The following FAF1 variants were observed in gnomAD, a reference collection of about 807,000 sequenced individuals.
FAF1 encodes Fas associated factor 1.
A neutral mutation model predicts 92.5 loss-of-function variants in FAF1; 25 were observed. The ratio of observed to expected loss-of-function variants is 0.27; its 90% CI spans 0.20 to 0.38. FAF1 has a LOEUF of 0.38. Ranked by LOEUF, FAF1 falls within the 10% of genes least tolerant of loss-of-function variation. The pLI is 1.00. For synonymous variants in FAF1, 234 were observed against 273.2 expected (o/e 0.86, Z 1.42); for missense variants, 636 against 793.3 (o/e 0.80, Z 2.38).
chr1:50,553,320 A>G (rs924144723), intron 13 of FAF1, among the ~76,000 whole-genome samples: 2 of 152,210 alleles, frequency 1.3e-5, no homozygotes, highest in African/African-American at 4.8e-5. Flanking sequence ...TACAGAGAAG[A>G]AGAAAAATTT....
chr1:50,495,621 T>C (rs1156356409), intron 15 of FAF1, among the ~76,000 whole-genome samples: 1 of 152,240 alleles, frequency 6.6e-6, no homozygotes, highest in Non-Finnish European at 1.5e-5. Context: ...TTTGGGTATA[T>C]ACCCAGCAGT....
At chr1:50,779,786 T>G (rs192746016) in intron 4 of FAF1, among the ~76,000 whole-genome samples, 1 of 151,806 alleles carries the variant, frequency 6.6e-6, no homozygotes. Flanking sequence ...ATACATTTTT[T>G]AAAAATTAGA....
At chr1:50,624,359 A>G (rs975708864) in intron 8 of FAF1, among the ~76,000 whole-genome samples, 5 of 152,256 alleles carry the variant, frequency 3.3e-5, no homozygotes, top group African/African-American at 1.2e-4. Flanking sequence ...TGTGCTGGCC[A>G]GGCTGGTTCG....
At chr1:50,614,622 C>T (rs573985330) in intron 8 of FAF1, among the ~76,000 whole-genome samples, 1 of 152,032 alleles carries the variant, frequency 6.6e-6, no homozygotes, top group African/African-American at 2.4e-5. Flanking sequence ...GGCGGATTAC[C>T]TAAGGTCAGG....
chr1:50,663,506 G>T (rs1267402946), intron 7 of FAF1, among the ~76,000 whole-genome samples: 1 of 149,306 alleles, frequency 6.7e-6, no homozygotes, highest in African/African-American at 2.5e-5. Context: ...AGGTTCAAGC[G>T]ATTCTTCTGC....
chr1:50,950,108 G>A (rs185307807), intron 1 of FAF1, among the ~76,000 whole-genome samples: 32 of 152,032 alleles, frequency 2.1e-4, no homozygotes, highest in African/African-American at 7.0e-4. Context: ...TCAAAGTGCT[G>A]GGAATACAGG....
chr1:50,481,895 A>G (rs1646708360), intron 17 of FAF1, among the ~76,000 whole-genome samples: 1 of 152,180 alleles, frequency 6.6e-6, no homozygotes, highest in Admixed American at 6.5e-5. Context: ...GAATGGAATG[A>G]GCAAGGGGAG....
intron 2 of FAF1, among the ~76,000 whole-genome samples, chr1:50,849,281 G>C (rs1368125101): frequency 2.0e-5 from 3 of 149,046 alleles, no homozygotes; most frequent in African/African-American, 4.9e-5. Flanking sequence ...AAAAAAAAAA[G>C]AAAAAAGAAA....
intron 1 of FAF1, among the ~76,000 whole-genome samples, chr1:50,945,652 T>C (rs1397945868): frequency 6.6e-6 from 1 of 152,194 alleles, no homozygotes; most frequent in Non-Finnish European, 1.5e-5. Flanking sequence ...AGATGAGTGA[T>C]CCAGATGGTT....
intron 1 of FAF1, among the ~76,000 whole-genome samples, chr1:50,927,368 G>A (rs1434441732): frequency 2.6e-5 from 4 of 152,084 alleles, no homozygotes; most frequent in Non-Finnish European, 5.9e-5. Flanking sequence ...GTCACTTGAG[G>A]TCAGGAGTTC....
At chr1:50,908,359 G>A (rs1383187937) in intron 1 of FAF1, among the ~76,000 whole-genome samples, 1 of 152,218 alleles carries the variant, frequency 6.6e-6, no homozygotes, top group Admixed American at 6.5e-5. Flanking sequence ...CTGACCTGGG[G>A]TGGAGGGTTC....
intron 9 of FAF1, among the ~76,000 whole-genome samples, chr1:50,590,708 G>A (rs774061772): frequency 1.3e-5 from 2 of 151,722 alleles, no homozygotes; most frequent in African/African-American, 2.4e-5. Context: ...TTGGCCGGGC[G>A]CCGTGGCTCA....
intron 13 of FAF1, among the ~76,000 whole-genome samples, chr1:50,545,632 G>A (rs1648975968): frequency 6.6e-6 from 1 of 151,208 alleles, no homozygotes; most frequent in South Asian, 2.1e-4. Flanking sequence ...TGTCAGATTA[G>A]TAAAGAAAAA....
intron 8 of FAF1, among the ~76,000 whole-genome samples, chr1:50,627,412 G>A (rs574930623): frequency 7.2e-5 from 11 of 152,218 alleles, no homozygotes; most frequent in African/African-American, 2.6e-4. Flanking sequence ...AAATAGCCCA[G>A]AAGTGAAAAC....
chr1:50,756,879 C>T (rs913559002), intron 4 of FAF1, among the ~76,000 whole-genome samples: 10 of 152,222 alleles, frequency 6.6e-5, no homozygotes, highest in African/African-American at 2.4e-4. Context: ...CCCCATAACT[C>T]AATTACCTCC....
intron 7 of FAF1, among the ~76,000 whole-genome samples, chr1:50,691,496 C>A (rs747847620): frequency 2.0e-5 from 3 of 152,194 alleles, no homozygotes; most frequent in Non-Finnish European, 4.4e-5. Flanking sequence ...CTGGCCTTGG[C>A]CTCCCAAAGT....
intron 6 of FAF1, chr1:50,715,030 A>C (rs1658114174): frequency 2.3e-6 from 1 of 432,436 alleles, no homozygotes; most frequent in Non-Finnish European, 4.6e-6. Flanking sequence ...AAAAATATAT[A>C]TCTATTTGCA....
chr1:50,536,489 A>G (rs1425418113), intron 14 of FAF1, among the ~76,000 whole-genome samples: 1 of 152,184 alleles, frequency 6.6e-6, no homozygotes. Context: ...GCATTTTTCC[A>G]GAGGGCTTGA....
At chr1:50,906,667 TC>T (rs1458317134) in intron 1 of FAF1, among the ~76,000 whole-genome samples, 3 of 152,230 alleles carry the variant, frequency 2.0e-5, no homozygotes, top group Non-Finnish European at 4.4e-5. Flanking sequence ...CACTCATGAT[TC>T]GGCTCTCTGT....
Sources: allele counts gnomAD v4.1 joint callset (sites outside exome capture counted in the v4.1 genomes callset), GRCh38; gene constraint gnomAD v4.1.1; transcripts MANE v1.5; gene names NCBI Gene and HGNC (gene_info 2026-07-23, HGNC 2026-07-21).